The following PCDHA4 variants were observed in gnomAD, a reference collection of about 807,000 sequenced individuals.
The protein encoded by PCDHA4 is protocadherin alpha-4.
PCDHA4 carries 49 observed loss-of-function variants against 61.4 expected under a neutral mutation model. The ratio of observed to expected loss-of-function variants is 0.80; its 90% confidence interval spans 0.63 to 1.01. The LOEUF is 1.01. PCDHA4 is among the 50% of genes least tolerant of loss of function. The pLI is 0.00. For missense variants in PCDHA4, 1,254 were observed against 1,235.8 expected, an observed-to-expected ratio of 1.01 and a Z score of -0.22; for synonymous variants, 590 against 550.3, an observed-to-expected ratio of 1.07 and a Z score of -1.01.
At chr5:140,811,925 A>T (rs1279323596) in intron 1 of PCDHA4, 2 of 152,144 alleles carry the variant, frequency 1.3e-5, no homozygotes, top group Non-Finnish European at 2.9e-5. Context: ...GGTAGATTGC[A>T]AAAATTTTCT....
intron 1 of PCDHA4, among the ~76,000 whole-genome samples, chr5:140,894,320 G>T (rs191376863): frequency 1.1e-3 from 163 of 152,016 alleles, no homozygotes; most frequent in Non-Finnish European, 1.7e-3. Flanking sequence ...TTAAATTATA[G>T]ATTTTAGTAT....
At chr5:140,887,906 T>C (rs2061622663) in intron 1 of PCDHA4, among the ~76,000 whole-genome samples, 1 of 152,198 alleles carries the variant, frequency 6.6e-6, no homozygotes, top group Admixed American at 6.5e-5. Context: ...TCCTAAACAG[T>C]GTATTCTTCA....
chr5:140,997,668 T>TGTGTG (rs2097778571), intron 3 of PCDHA4, among the ~76,000 whole-genome samples: 1 of 148,244 alleles, frequency 6.7e-6, no homozygotes, highest in African/African-American at 2.5e-5. Flanking sequence ...ATTATACAGC[T>TGTGTG]TGTGTGTGTG....
chr5:140,916,692 C>T (rs968252842), intron 1 of PCDHA4, among the ~76,000 whole-genome samples: 47 of 152,270 alleles, frequency 3.1e-4, no homozygotes, highest in African/African-American at 1.0e-3. Flanking sequence ...TCTTTTCTCT[C>T]CTCTCCTTAA....
chr5:140,906,893 GT>G (rs1191460812), intron 1 of PCDHA4, among the ~76,000 whole-genome samples: 7 of 152,170 alleles, frequency 4.6e-5, no homozygotes, highest in Admixed American at 6.5e-5. Context: ...TTCTTAGATT[GT>G]TGGTTTAAAG....
intron 3 of PCDHA4, among the ~76,000 whole-genome samples, chr5:140,983,126 G>A (rs1466016868): frequency 6.6e-6 from 1 of 152,206 alleles, no homozygotes; most frequent in African/African-American, 2.4e-5. Context: ...ACATTCTGCA[G>A]ACTGACTTTT....
chr5:140,975,591 G>A (rs1421434713), intron 1 of PCDHA4, among the ~76,000 whole-genome samples: 1 of 152,198 alleles, frequency 6.6e-6, no homozygotes, highest in African/African-American at 2.4e-5. Flanking sequence ...GTCCCAGAGG[G>A]CAATTTGTTG....
Position 140,809,021 on chromosome 5 carries a change from C to T in PCDHA4, c.1834C>T (p.Gln612Ter). ...CAACGCGTGGCTTTCGTACGAGCTGCAGCCGGGGACTGGTGGCGCGCGCAT... is the reference window on the plus strand; with the variant it reads ...CAACGCGTGGCTTTCGTACGAGCTGTAGCCGGGGACTGGTGGCGCGCGCAT... ...GYNAWLSYEL[Q>*]PGTGGARIPF... Residue 612 changes from glutamine (Q) to a stop codon, truncating the protein, a stop_gained, in exon 1 of 4, where the codon CAG becomes TAG. Transcript: ENST00000530339. LOFTEE classifies it high-confidence loss of function. The T allele has an allele frequency of 6.2e-7, 1 of 1,613,690 alleles. No individual in the cohort carries two copies. The highest frequency in any genetic ancestry group is 1.3e-5 in the African/African-American group (1 of 75,048).
In PCDHA4 at chr5:140,807,100, A is replaced by T; in HGVS notation, c.-88A>T. The T allele has an allele frequency of 7.1e-7, 1 of 1,409,032 alleles. No individual in the cohort carries two copies. Among genetic ancestry groups the T allele is most frequent in the Non-Finnish European group, 9.7e-7 (1 of 1,027,496 alleles). 87.3% of individuals were successfully genotyped at this position (1,409,032 alleles called of 1,614,324 possible). ...CTCTTTGGAGTCTGAAATATGGAGG[A>T]TGCAGCTGCACTTGACTGACCGATT... is the stretch of plus-strand genomic sequence containing the variant. On this transcript the variant is annotated 5_prime_UTR_variant, in exon 1 of 4. It removes an upstream start codon present in the reference 5' UTR. Coordinates refer to ENST00000530339, the MANE Select transcript of PCDHA4 (RefSeq NM_018907.4).
rs2150455604 is a variant in PCDHA4, at chr5:140,849,875, C to T, written c.2385+40303C>T. The T allele has an allele frequency of 6.9e-5, 111 of 1,598,488 alleles. 9 individuals are homozygous for T. The highest frequency in any genetic ancestry group is 8.0e-5 in the Non-Finnish European group (93 of 1,168,004). On this transcript the variant is annotated intron_variant, in intron 1 of 3. Transcript: ENST00000530339. ...CACCAGCGTTCGCGCAGTCCGAGTA[C>T]ACGGTGTTCGTGAAGGAGAACAACC...
At chr5:140,903,515 G>T (rs542642607) in intron 1 of PCDHA4, among the ~76,000 whole-genome samples, 1 of 152,244 alleles carries the variant, frequency 6.6e-6, no homozygotes, top group Non-Finnish European at 1.5e-5. Context: ...TAGTTCTATT[G>T]TGTTGTTCAC....
Position 140,809,186 on chromosome 5 carries a change from G to T in PCDHA4, c.1999G>T (p.Val667Leu). 6.2e-7 allele frequency: 1 copy of T among 1,614,038 alleles called. No homozygotes were observed. Among genetic ancestry groups the T allele is most frequent in the Non-Finnish European group, 8.5e-7 (1 of 1,179,946 alleles). ...GCTGACGGCCACGGCCACTGTGCTG[G>T]TGTCACTTGTGGAGAGTGGACAGGC... is the stretch of plus-strand genomic sequence containing the variant. Reference protein sequence around the residue: ...PALTATATVLVSLVESGQAPK... With the variant: ...PALTATATVLLSLVESGQAPK... The change falls in exon 1 of 4, where the codon GTG becomes TTG. Residue 667 changes from valine (V) to leucine (L), a missense_variant. Transcript: ENST00000530339.
At chr5:140,993,463 CACACACACACACACACACA>C (rs1563592092) in intron 3 of PCDHA4, among the ~76,000 whole-genome samples, 163 of 7,580 alleles carry the variant, frequency 0.022, 1 homozygote, top group African/African-American at 0.091. Context: ...CTTTCTTTCT[CACACACACACACACACACA>C]CACACACACA....
chr5:140,968,422 G>C, intron 1 of PCDHA4: 2 of 1,613,984 alleles, frequency 1.2e-6, no homozygotes, highest in Non-Finnish European at 1.7e-6. Context: ...TGGAGGCTCA[G>C]GACAAGGGGA....
intron 1 of PCDHA4, chr5:140,884,272 G>A (rs1554181402): frequency 6.2e-7 from 1 of 1,613,574 alleles, no homozygotes; most frequent in South Asian, 1.1e-5. Flanking sequence ...TGCTGTTGTC[G>A]CTGGTGGAGA....
At chr5:140,983,457 G>A (rs1354592991) in intron 3 of PCDHA4, among the ~76,000 whole-genome samples, 4 of 152,182 alleles carry the variant, frequency 2.6e-5, no homozygotes, top group Non-Finnish European at 4.4e-5. Flanking sequence ...TCTATTAATA[G>A]AACATCATGA....
At chr5:140,830,665 G>A (rs1771194311) in intron 1 of PCDHA4, 1 of 389,586 alleles carries the variant, frequency 2.6e-6, no homozygotes, top group Non-Finnish European at 4.2e-6. Context: ...TAATTTAAGT[G>A]AAATTAGAAA....
At chr5:140,809,791 T>C in intron 1 of PCDHA4, 1 of 468,178 alleles carries the variant, frequency 2.1e-6, no homozygotes, top group Non-Finnish European at 3.7e-6. Context: ...TTAACAGAAC[T>C]GTAATTTCTA....
chr5:140,856,808 C>G (rs1554149136), intron 1 of PCDHA4: 1 of 1,594,492 alleles, frequency 6.3e-7, no homozygotes. Context: ...GTATGAAAAT[C>G]AAGTGAACCA....
Sources: allele counts gnomAD v4.1 joint callset (sites outside exome capture counted in the v4.1 genomes callset), GRCh38; gene constraint gnomAD v4.1.1; transcripts MANE v1.5; gene names NCBI Gene and HGNC (gene_info 2026-07-23, HGNC 2026-07-21).